The following TNS3 variants were observed in gnomAD, a reference collection of about 807,000 sequenced individuals.
TNS3 encodes the protein tensin 3.
TNS3 carries 45 observed loss-of-function variants against 140.9 expected under a neutral mutation model. The observed-to-expected ratio is 0.32, with a 90% CI of 0.25 to 0.41. The LOEUF (loss-of-function observed/expected upper bound fraction) is 0.41. Among genes scored for constraint, TNS3 ranks in the 10% least tolerant of loss-of-function variants. TNS3 has a pLI of 1.00. For missense variants in TNS3, 1,716 were observed against 1,906.7 expected (o/e 0.90, Z 1.86); for synonymous variants, 815 against 788.4 (o/e 1.03, Z -0.56).
Position 47,484,560 on chromosome 7 carries a change from C to T in TNS3, c.-114-3419G>A, listed in dbSNP as rs544862425. 9.2e-5 allele frequency among the ~76,000 whole-genome samples: 14 copies of T among 152,312 alleles called. No homozygotes were observed. In the East Asian group the frequency reaches 1.9e-3, roughly 21 times the overall value. On this transcript the variant is annotated intron_variant, in intron 3 of 30. Coordinates refer to ENST00000311160, the MANE Select transcript of TNS3 (RefSeq NM_022748.12). Reference sequence around the variant, plus strand: ...CAAGGAACCTATGGGGACTGTGCGACGGTGCTATCAGCTGCATTTGCTGGA... The same window carrying T: ...CAAGGAACCTATGGGGACTGTGCGATGGTGCTATCAGCTGCATTTGCTGGA...
intron 1 of TNS3, among the ~76,000 whole-genome samples, chr7:47,551,131 G>A (rs573537075): frequency 1.2e-3 from 182 of 152,322 alleles, no homozygotes; most frequent in Non-Finnish European, 2.4e-3. Context: ...GTTCCTTCAG[G>A]AAGCATCTCC....
At chr7:47,495,206 A>AG (rs1797961560) in intron 3 of TNS3, among the ~76,000 whole-genome samples, 1 of 151,064 alleles carries the variant, frequency 6.6e-6, no homozygotes, top group East Asian at 1.9e-4. Flanking sequence ...AAAAAAAAAA[A>AG]AAAAAGAAAC....
rs146092703 is a variant in TNS3, at chr7:47,276,305, C to T, written c.*1771G>A. 4.6e-3 allele frequency: 798 copies of T among 175,046 alleles called. 14 individuals are homozygous for T. Among genetic ancestry groups the T allele is most frequent in the African/African-American group, 0.018 (745 of 42,030 alleles). 10.8% of individuals were successfully genotyped at this position (175,046 alleles called of 1,614,324 possible). On this transcript the variant is annotated 3_prime_UTR_variant, in exon 31 of 31. Coordinates refer to ENST00000311160, the MANE Select transcript of TNS3 (RefSeq NM_022748.12). ...GGAATGGTCCACCTGCTTTCACACA[C>T]GCATACACGCACGCATGCACACACG...
At chr7:47,408,983 G>A (rs1213481510) in intron 13 of TNS3, among the ~76,000 whole-genome samples, 1 of 151,906 alleles carries the variant, frequency 6.6e-6, no homozygotes, top group Non-Finnish European at 1.5e-5. Flanking sequence ...GATCCTCTAG[G>A]GCAAAAACTT....
chr7:47,331,821 C>G (rs917583514), intron 20 of TNS3, among the ~76,000 whole-genome samples: 1 of 152,198 alleles, frequency 6.6e-6, no homozygotes, highest in Non-Finnish European at 1.5e-5. Flanking sequence ...AACATGTCTA[C>G]ATATGTGTGT....
chr7:47,539,699 C>T (rs907146989), intron 1 of TNS3: 1 of 156,958 alleles, frequency 6.4e-6, no homozygotes, highest in Non-Finnish European at 1.4e-5. Context: ...CTGAGCCACT[C>T]AAGGATGGTT....
At chr7:47,327,687 G>C (rs934213922) in intron 20 of TNS3, among the ~76,000 whole-genome samples, 9 of 152,208 alleles carry the variant, frequency 5.9e-5, no homozygotes, top group African/African-American at 1.9e-4. Context: ...TAGCCCTCCA[G>C]GCTCAAGGGC....
At position 47,429,505 on chromosome 7, in the gene TNS3, C is replaced by G. The variant is rs987445732; in HGVS notation, c.325-1129G>C. On this transcript the variant is annotated intron_variant, in intron 8 of 30. Transcript: ENST00000311160. ...GCCTCAGCCTCCCAAGTAGCTGGGACTACAGGCGCCCGCCACCATACCCAG... is the reference window on the plus strand; with the variant it reads ...GCCTCAGCCTCCCAAGTAGCTGGGAGTACAGGCGCCCGCCACCATACCCAG... Among the ~76,000 whole-genome samples, 6 of 152,080 alleles carry G rather than the reference C, an allele frequency of 3.9e-5. No individual in the cohort carries two copies. The East Asian group carries it at 1.2e-3, about 29-fold the overall frequency.
chr7:47,441,478 T>C (rs1338636723), intron 5 of TNS3, among the ~76,000 whole-genome samples: 1 of 152,200 alleles, frequency 6.6e-6, no homozygotes, highest in African/African-American at 2.4e-5. Context: ...GCCCGGCCCA[T>C]ACATTTATTT....
At chr7:47,290,418 T>C (rs1309092500) in intron 27 of TNS3, among the ~76,000 whole-genome samples, 3 of 152,062 alleles carry the variant, frequency 2.0e-5, no homozygotes, top group Non-Finnish European at 4.4e-5. Context: ...AGGCAAGCCA[T>C]GAAATGGAAG....
chr7:47,348,121 G>C (rs750504599), intron 17 of TNS3, among the ~76,000 whole-genome samples: 9 of 152,374 alleles, frequency 5.9e-5, no homozygotes, highest in Admixed American at 1.3e-4. Flanking sequence ...AGTTTAAAGA[G>C]GGCTAGCAGA....
intron 15 of TNS3, among the ~76,000 whole-genome samples, chr7:47,397,519 A>G (rs1451947650): frequency 6.6e-6 from 1 of 152,186 alleles, no homozygotes; most frequent in East Asian, 1.9e-4. Context: ...AGGGAAAAAA[A>G]TTGTTTCGCA....
intron 10 of TNS3, among the ~76,000 whole-genome samples, chr7:47,422,869 CCAAAAAAAAA>C (rs899263989): frequency 2.5e-5 from 3 of 121,654 alleles, no homozygotes; most frequent in African/African-American, 9.2e-5. Flanking sequence ...TTTAATGGTT[CCAAAAAAAAA>C]CAAAAAAAAA....
intron 3 of TNS3, among the ~76,000 whole-genome samples, chr7:47,491,264 A>G (rs1226361980): frequency 6.6e-6 from 1 of 152,230 alleles, no homozygotes; most frequent in East Asian, 1.9e-4. Flanking sequence ...ATTTTAAACC[A>G]TATATATACT....
chr7:47,543,026 G>A (rs1315242166), intron 1 of TNS3, among the ~76,000 whole-genome samples: 1 of 151,874 alleles, frequency 6.6e-6, no homozygotes, highest in African/African-American at 2.4e-5. Flanking sequence ...GCTCTCATCT[G>A]CAGAAATTGA....
chr7:47,316,963 A>G (rs1787450298), intron 20 of TNS3, among the ~76,000 whole-genome samples: 1 of 152,210 alleles, frequency 6.6e-6, no homozygotes, highest in Non-Finnish European at 1.5e-5. Flanking sequence ...ATGAGAATCA[A>G]AGTCCTACAG....
intron 8 of TNS3, among the ~76,000 whole-genome samples, chr7:47,431,348 G>T (rs201810461): frequency 1.3e-5 from 2 of 151,906 alleles, no homozygotes; most frequent in African/African-American, 4.8e-5. Context: ...TAATCCCAGC[G>T]CTTTGGGAGG....
intron 16 of TNS3, among the ~76,000 whole-genome samples, chr7:47,390,877 C>T (rs572741757): frequency 6.6e-6 from 1 of 152,270 alleles, no homozygotes; most frequent in South Asian, 2.1e-4. Flanking sequence ...AGTCCAGAAG[C>T]CCATTCTCTA....
chr7:47,331,708 T>C (rs796408118), intron 20 of TNS3, among the ~76,000 whole-genome samples: 39 of 152,342 alleles, frequency 2.6e-4, no homozygotes, highest in African/African-American at 9.1e-4. Context: ...CATGTGTGCA[T>C]ATATAAGTGC....
Sources: allele counts gnomAD v4.1 joint callset (sites outside exome capture counted in the v4.1 genomes callset), GRCh38; gene constraint gnomAD v4.1.1; transcripts MANE v1.5; gene names NCBI Gene and HGNC (gene_info 2026-07-23, HGNC 2026-07-21).